Variants in HLTF observed in about 807,000 individuals in gnomAD.
HLTF encodes the protein DNA-dependent ATPase/E3 ubiquitin-protein ligase HLTF.
Under a neutral mutation model 129.4 loss-of-function variants are expected in HLTF, and 127 were observed. The observed-to-expected ratio is 0.98, with a 90% CI of 0.85 to 1.14. The LOEUF is 1.14. Ranked by LOEUF, HLTF falls within the 50% of genes most tolerant of loss-of-function variation. The pLI is 0.00. For missense variants in HLTF, 1,139 were observed against 1,187.1 expected (o/e 0.96, Z 0.60); for synonymous variants, 332 against 388.8 (o/e 0.85, Z 1.72).
In HLTF at chr3:149,030,386, CAAAG is replaced by C. The variant is rs568109524; in HGVS notation, c.*1830_*1833del. Reference sequence around the variant, plus strand: ...CAACATCTAACAGAACTGTACAAAACAAAGAGACATTTTTTAAACAACTTGCCAA... The same window carrying C: ...CAACATCTAACAGAACTGTACAAAACAGACATTTTTTAAACAACTTGCCAA... On this transcript the variant is annotated 3_prime_UTR_variant, in exon 25 of 25. Coordinates refer to ENST00000310053, the MANE Select transcript of HLTF (RefSeq NM_003071.4). 154 of 151,984 alleles carry C rather than the reference CAAAG, an allele frequency of 1.0e-3. No individual in the cohort carries two copies. Among genetic ancestry groups the C allele is most frequent in the Non-Finnish European group, 1.7e-3 (115 of 67,948 alleles). The allele number at this position is 151,984 out of a possible 1,614,324, so 9.4% of individuals were successfully genotyped here.
At chr3:149,064,738 CAAATT>C in intron 9 of HLTF, 48 bp downstream of exon 9, 1 of 1,096,500 alleles carries the variant, frequency 9.1e-7, no homozygotes, top group African/African-American at 1.6e-5. Context: ...GGGTCATATT[CAAATT>C]AAAGTTTACC....
chr3:149,060,501 G>A (rs1328185738), intron 12 of HLTF, 142 bp downstream of exon 12: 1 of 617,878 alleles, frequency 1.6e-6, no homozygotes. Context: ...CCCATGGTTA[G>A]CTCCATGAAG....
At chr3:149,062,148 A>T (rs567041962) in intron 10 of HLTF, among the ~76,000 whole-genome samples, 1 of 152,342 alleles carries the variant, frequency 6.6e-6, no homozygotes, top group Non-Finnish European at 1.5e-5. Context: ...TCCTCATAGA[A>T]TAAAATGTTA....
intron 17 of HLTF, among the ~76,000 whole-genome samples, chr3:149,046,737 G>A (rs973892761): frequency 6.6e-6 from 1 of 152,072 alleles, no homozygotes; most frequent in Non-Finnish European, 1.5e-5. Context: ...AAAGTAATGA[G>A]TGCCCCCAAA....
chr3:149,060,558 A>C, intron 12 of HLTF, 85 bp downstream of exon 12: 1 of 1,100,108 alleles, frequency 9.1e-7, no homozygotes, highest in Non-Finnish European at 1.3e-6. Flanking sequence ...TTACTAAAAC[A>C]TTCCAACCTA....
chr3:149,041,740 A>G (rs114488839), intron 19 of HLTF, 72 bp from the exon 20 acceptor site: 14,803 of 1,099,586 alleles, frequency 0.013, 123 homozygotes, highest in Middle Eastern at 0.017. Context: ...TCTTATAAGG[A>G]AAAGTTTCGC....
intron 2 of HLTF, among the ~76,000 whole-genome samples, chr3:149,076,765 T>C (rs866457447): frequency 2.6e-5 from 4 of 152,192 alleles, no homozygotes; most frequent in Non-Finnish European, 5.9e-5. Flanking sequence ...AATGGTAGAA[T>C]GAGGACTTTC....
In HLTF at chr3:149,040,041, G is replaced by A; in HGVS notation, c.2492C>T (p.Ser831Phe). 6.2e-7 allele frequency: 1 copy of A among 1,610,050 alleles called. No individual in the cohort carries two copies. The highest frequency in any genetic ancestry group is 8.5e-7 in the Non-Finnish European group (1 of 1,178,674). Residue 831 changes from serine (S) to phenylalanine (F), a missense_variant, in exon 21 of 25, where the codon TCC becomes TTC. Physicochemically the swap from Ser to Phe is radical, Grantham distance 155. Transcript: ENST00000310053. Reference sequence around the variant, plus strand: ...ACATGAGTACTTTACCTTTGAACTGGATGTCCATTCCATATCAGACTTTTT... The same window carrying A: ...ACATGAGTACTTTACCTTTGAACTGAATGTCCATTCCATATCAGACTTTTT... ...SEKKSDMEWT[S>F]SSKINALMHA...
At chr3:149,074,104 C>T (rs1425711289) in intron 4 of HLTF, 111 bp downstream of exon 4, 1 of 1,060,482 alleles carries the variant, frequency 9.4e-7, no homozygotes, top group Non-Finnish European at 1.3e-6. Context: ...AAAAGTTGTA[C>T]CTTGGAGCCT....
At chr3:149,059,902 T>C in intron 12 of HLTF, 95 bp from the exon 13 acceptor site, 1 of 758,396 alleles carries the variant, frequency 1.3e-6, no homozygotes, top group South Asian at 1.7e-5. Flanking sequence ...AATATCATTT[T>C]CACCCTCTAT....
chr3:149,037,473 A>AG (rs1715748930), intron 23 of HLTF, among the ~76,000 whole-genome samples: 1 of 150,866 alleles, frequency 6.6e-6, no homozygotes, highest in Non-Finnish European at 1.5e-5. Flanking sequence ...GTCTCAAAAA[A>AG]AAAAAAAAAA....
chr3:149,039,887 C>T (rs988086738), intron 21 of HLTF, 144 bp downstream of exon 21: 4 of 761,466 alleles, frequency 5.3e-6, no homozygotes, highest in Non-Finnish European at 4.0e-6. Flanking sequence ...CTCAAATTCA[C>T]CACTAAAAAT....
At chr3:149,071,897 TA>T (rs557783249) in intron 5 of HLTF, among the ~76,000 whole-genome samples, 1 of 151,936 alleles carries the variant, frequency 6.6e-6, no homozygotes, top group African/African-American at 2.4e-5. Flanking sequence ...AAAAAATTTT[TA>T]AAAAATTAGC....
chr3:149,060,846 A>G lies in HLTF; in HGVS notation c.1173T>C (p.Ala391=), dbSNP rs1465660016. 6.2e-7 allele frequency: 1 copy of G among 1,610,248 alleles called. No homozygotes were observed. The highest frequency in any genetic ancestry group is 8.5e-7 in the Non-Finnish European group (1 of 1,178,182). The change falls in exon 11 of 25, where the codon GCT becomes GCC. Residue 391 remains alanine, a synonymous_variant. Transcript: ENST00000310053. ...AATCACTGCTTTCTATGTACTGGACAGCAGTTTTTCTTCTAAAATTAAGTA... is the reference window on the plus strand; with the variant it reads ...AATCACTGCTTTCTATGTACTGGACGGCAGTTTTTCTTCTAAAATTAAGTA... ...SSSRPKRRKT[A]VQYIESSDSE...
chr3:149,063,562 A>G, intron 9 of HLTF, 38 bp from the exon 10 acceptor site: 1 of 1,250,312 alleles, frequency 8.0e-7, no homozygotes, highest in East Asian at 2.3e-5. Flanking sequence ...AGTATTAGTA[A>G]GGTGTCTTAG....
At chr3:149,081,200 A>T (rs1480802767) in intron 2 of HLTF, among the ~76,000 whole-genome samples, 5 of 152,004 alleles carry the variant, frequency 3.3e-5, no homozygotes, top group African/African-American at 1.2e-4. Flanking sequence ...AATAAACCAC[A>T]TTATAAAATA....
chr3:149,047,607 C>A (rs1716654322), intron 17 of HLTF, among the ~76,000 whole-genome samples: 1 of 151,950 alleles, frequency 6.6e-6, no homozygotes, highest in Admixed American at 6.6e-5. Context: ...GCGCCACTGC[C>A]CTCCAGCATG....
chr3:149,074,505 G>T (rs1053208550), intron 3 of HLTF, among the ~76,000 whole-genome samples, 157 bp from the exon 4 acceptor site: 2 of 152,058 alleles, frequency 1.3e-5, no homozygotes, highest in Non-Finnish European at 2.9e-5. Context: ...AAAAGGAAAA[G>T]AAATAGAACC....
At chr3:149,071,533 T>C (rs774974723) in intron 6 of HLTF, 50 bp downstream of exon 6, 5 of 1,468,034 alleles carry the variant, frequency 3.4e-6, no homozygotes, top group Non-Finnish European at 3.8e-6. Flanking sequence ...AGATTCTAAG[T>C]ATATTTAAAC....
Sources: allele counts gnomAD v4.1 joint callset (sites outside exome capture counted in the v4.1 genomes callset), GRCh38; gene constraint gnomAD v4.1.1; transcripts MANE v1.5; gene names NCBI Gene and HGNC (gene_info 2026-07-23, HGNC 2026-07-21).